WIPF1: variants seen among roughly 807,000 people sequenced by gnomAD.
WIPF1 encodes the protein WAS/WASL interacting protein family member 1.
Under a neutral mutation model 35.4 loss-of-function variants are expected in WIPF1, and 13 were observed. The observed-to-expected ratio is 0.37, with a 90% CI of 0.24 to 0.58. The LOEUF is 0.58. Ranked by LOEUF, WIPF1 falls within the 20% of genes least tolerant of loss-of-function variation. WIPF1 has a pLI of 0.74. For missense variants in WIPF1, 591 were observed against 667.0 expected (o/e 0.89, Z 1.25); for synonymous variants, 267 against 266.3 (o/e 1.00, Z -0.02).
Position 174,617,507 on chromosome 2 carries a change from C to T in WIPF1, c.-38-31896G>A, listed in dbSNP as rs114288113. ...CTGCTTAATACTGAGCTATAGGCAT[C>T]GGAGCAAATGGTAATTTCTATCAGT... On this transcript the variant is annotated intron_variant, in intron 1 of 8. Transcript: ENST00000272746. Among the ~76,000 whole-genome samples the T allele has an allele frequency of 5.5e-3, 837 of 152,248 alleles. 12 individuals carry two copies. Among genetic ancestry groups the T allele is most frequent in the African/African-American group, 0.019 (808 of 41,542 alleles).
intron 1 of WIPF1, among the ~76,000 whole-genome samples, chr2:174,633,123 C>G (rs989720681): frequency 1.3e-5 from 2 of 152,188 alleles, no homozygotes; most frequent in Non-Finnish European, 2.9e-5. Flanking sequence ...ACCACTAGGG[C>G]TGATATGTCC....
intron 1 of WIPF1, among the ~76,000 whole-genome samples, chr2:174,679,254 A>T (rs1688202056): frequency 6.6e-6 from 1 of 152,126 alleles, no homozygotes; most frequent in African/African-American, 2.4e-5. Context: ...GCCGATCACG[A>T]GGTCAGGAGT....
chr2:174,662,969 A>G (rs1480695787), intron 1 of WIPF1, among the ~76,000 whole-genome samples: 37 of 152,250 alleles, frequency 2.4e-4, no homozygotes, highest in Admixed American at 2.4e-3. Flanking sequence ...TTACAAAATT[A>G]ACGTTTAAAT....
rs541246722 is a variant in WIPF1, at chr2:174,578,701, T to C, written c.181+2609A>G. 3.3e-5 allele frequency among the ~76,000 whole-genome samples: 5 copies of C among 152,338 alleles called. No individual in the cohort carries two copies. The East Asian group carries it at 9.6e-4, about 29-fold the overall frequency. On this transcript the variant is annotated intron_variant, in intron 3 of 7. Coordinates refer to ENST00000679041, the MANE Select transcript of WIPF1 (RefSeq NM_001375834.1). ...AGGTTTATCATAAATTTGTGTTAGT[T>C]CTGTATCTTTTCTAGATGTGGAGCT...
chr2:174,678,635 T>C (rs1168406407), intron 1 of WIPF1, among the ~76,000 whole-genome samples: 1 of 152,232 alleles, frequency 6.6e-6, no homozygotes, highest in African/African-American at 2.4e-5. Flanking sequence ...TCTACTGTCA[T>C]CTCTACACTG....
At chr2:174,593,818 C>G (rs1685708939) in intron 1 of WIPF1, among the ~76,000 whole-genome samples, 1 of 152,206 alleles carries the variant, frequency 6.6e-6, no homozygotes, top group Non-Finnish European at 1.5e-5. Flanking sequence ...TAGAAACTTT[C>G]AATACCTTTG....
chr2:174,565,131 G>C (rs182142391), intron 7 of WIPF1, among the ~76,000 whole-genome samples: 1 of 152,144 alleles, frequency 6.6e-6, no homozygotes, highest in African/African-American at 2.4e-5. Flanking sequence ...CTGACCTCAG[G>C]TGATCTGCCC....
In WIPF1 at chr2:174,572,068, A is replaced by G; in HGVS notation, c.737T>C (p.Phe246Ser). Reference sequence around the variant, plus strand: ...AGGCGGCAGGGGAGGCCGGTTGGAGAAGGGCGAGGAGGAGCTCAAGGGGGA... The same window carrying G: ...AGGCGGCAGGGGAGGCCGGTTGGAGGAGGGCGAGGAGGAGCTCAAGGGGGA... ...RQSPLSSSSP[F>S]SNRPPLPPTP... Residue 246 changes from phenylalanine to serine, a missense_variant, in exon 5 of 8, where the codon TTC becomes TCC. Physicochemically the swap from Phe to Ser is radical, Grantham distance 155 (BLOSUM62 -2). Coordinates refer to ENST00000679041, the MANE Select transcript of WIPF1 (RefSeq NM_001375834.1). 1 of 1,555,666 alleles carries G rather than the reference A, an allele frequency of 6.4e-7. No homozygotes were observed. The highest frequency in any genetic ancestry group is 1.2e-5 in the South Asian group (1 of 80,884).
chr2:174,577,925 A>AG (rs1685113078), intron 3 of WIPF1, among the ~76,000 whole-genome samples: 1 of 151,828 alleles, frequency 6.6e-6, no homozygotes, highest in Non-Finnish European at 1.5e-5. Flanking sequence ...TCCAAAAAAA[A>AG]AAAAGGGGGA....
intron 2 of WIPF1, 63 bp from the exon 3 acceptor site, chr2:174,581,502 C>G (rs543878174): frequency 6.3e-7 from 1 of 1,577,084 alleles, no homozygotes; most frequent in Non-Finnish European, 8.6e-7. Flanking sequence ...TTGTAACACT[C>G]GGCTGGGAAA....
rs751981976 is a variant in WIPF1, at chr2:174,568,009, G to A, written c.1194C>T (p.Thr398=). ...NGSTSRALPA[T]PQLPSRSGVD... ...CTCCACTCCTGGATGGCAACTGAGGGGTAGCAGGCAGGGCCCGAGATGTGC... is the reference window on the plus strand; with the variant it reads ...CTCCACTCCTGGATGGCAACTGAGGAGTAGCAGGCAGGGCCCGAGATGTGC... Residue 398 remains threonine, a synonymous_variant, in exon 6 of 8, where the codon ACC becomes ACT. Coordinates refer to ENST00000679041, the MANE Select transcript of WIPF1 (RefSeq NM_001375834.1). 1.2e-6 allele frequency: 2 copies of A among 1,613,988 alleles called. No homozygotes were observed. The highest frequency in any genetic ancestry group is 1.7e-6 in the Non-Finnish European group (2 of 1,180,042).
In WIPF1 at chr2:174,562,396, C is replaced by T. The variant is rs1684507918; in HGVS notation, c.*151G>A. ...AAGCTAGGTGCATTTCTTACCGATTCCCACCCACACACGCATATTCCCACT... is the reference window on the plus strand; with the variant it reads ...AAGCTAGGTGCATTTCTTACCGATTTCCACCCACACACGCATATTCCCACT... On this transcript the variant is annotated 3_prime_UTR_variant, in exon 8 of 8. Transcript: ENST00000679041. The T allele has an allele frequency of 6.7e-7, 1 of 1,502,802 alleles. No individual in the cohort carries two copies. The highest frequency in any genetic ancestry group is 8.9e-7 in the Non-Finnish European group (1 of 1,123,806). 93.1% of individuals were successfully genotyped at this position (1,502,802 alleles called of 1,614,324 possible). A position where few individuals can be genotyped will look rare whatever the true frequency, so the allele number is the denominator to read the frequency against.
At chr2:174,580,664 T>G (rs1462985727) in intron 3 of WIPF1, among the ~76,000 whole-genome samples, 1 of 152,216 alleles carries the variant, frequency 6.6e-6, no homozygotes, top group East Asian at 1.9e-4. Context: ...TAGTCATGGA[T>G]TATTTTTTGT....
chr2:174,636,747 A>G (rs895480510), intron 1 of WIPF1, among the ~76,000 whole-genome samples: 1 of 152,236 alleles, frequency 6.6e-6, no homozygotes, highest in Non-Finnish European at 1.5e-5. Flanking sequence ...ATGTACCACA[A>G]TTGGGCACAC....
At chr2:174,624,185 G>A (rs1462054241) in intron 1 of WIPF1, among the ~76,000 whole-genome samples, 1 of 152,224 alleles carries the variant, frequency 6.6e-6, no homozygotes, top group African/African-American at 2.4e-5. Flanking sequence ...TGGGCAGGTG[G>A]TCACCAACTG....
intron 1 of WIPF1, among the ~76,000 whole-genome samples, chr2:174,591,673 T>TACAC (rs71407131): frequency 0.038 from 5,633 of 146,592 alleles, 149 homozygotes; most frequent in African/African-American, 0.068. Flanking sequence ...CTTTGTTGCT[T>TACAC]ACACACACAC....
At chr2:174,663,502 C>T (rs1687823427) in intron 1 of WIPF1, among the ~76,000 whole-genome samples, 1 of 150,704 alleles carries the variant, frequency 6.6e-6, no homozygotes, top group South Asian at 2.1e-4. Flanking sequence ...CAAGTTTCCT[C>T]AGGCCTGAAG....
chr2:174,564,815 GCACACACACACACACACA>G (rs10587549), intron 7 of WIPF1, among the ~76,000 whole-genome samples: 7 of 143,412 alleles, frequency 4.9e-5, no homozygotes, highest in Non-Finnish European at 1.1e-4. Context: ...TTCTTCTGGT[GCACACACACACACACACA>G]CACACACACA....
In WIPF1 at chr2:174,590,762, A is replaced by C. The variant is rs1315963842; in HGVS notation, c.-38-5151T>G. Among the ~76,000 whole-genome samples the C allele has an allele frequency of 6.6e-6, 1 of 152,164 alleles. No individual in the cohort carries two copies. The highest frequency in any genetic ancestry group is 2.4e-5 in the African/African-American group (1 of 41,428). ...CCAACCCAAGCAATGAACTTTTAAG[A>C]AGTCACACTTTTCAGAATTAATTTC... On this transcript the variant is annotated intron_variant, in intron 1 of 7. Transcript: ENST00000679041. This position sits in a 1 kb window ranked among gnomAD's most constrained non-coding sequence, Gnocchi z 4.6.
Sources: gnomAD v4.1 joint callset for allele counts (sites outside exome capture counted in the v4.1 genomes callset) on GRCh38, gnomAD v4.1.1 for gene constraint, Gnocchi (gnomAD v3.1) non-coding constraint, MANE v1.5 for transcripts, NCBI Gene and HGNC (gene_info 2026-07-23, HGNC 2026-07-21) for gene names.